Variants in EYA2 observed in about 807,000 individuals in gnomAD.
EYA2 encodes protein phosphatase EYA2.
In EYA2, 31 loss-of-function variants were observed where a neutral mutation model predicts 69.2. The observed-to-expected ratio is 0.45, with a 90% CI of 0.34 to 0.60. The LOEUF is 0.60. Ranked by LOEUF, EYA2 falls within the 20% of genes least tolerant of loss-of-function variation. EYA2 has a pLI of 0.02. For synonymous variants in EYA2, 257 were observed against 279.4 expected (o/e 0.92, Z 0.80); for missense variants, 622 against 701.2 (o/e 0.89, Z 1.28).
chr20:47,149,688 C>CAAAAAAAAAAAAAAAAA (rs59780173), intron 10 of EYA2, among the ~76,000 whole-genome samples: 1 of 102,704 alleles, frequency 9.7e-6, no homozygotes, highest in African/African-American at 3.7e-5. Context: ...ACTAAAAATA[C>CAAAAAAAAAAAAAAAAA]AAAAAAAAAA....
intron 1 of EYA2, among the ~76,000 whole-genome samples, chr20:46,960,345 G>C (rs1274823021): frequency 6.6e-6 from 1 of 152,162 alleles, no homozygotes; most frequent in Non-Finnish European, 1.5e-5. Flanking sequence ...TTTGATCTCA[G>C]GACTGTCTGA....
intron 5 of EYA2, among the ~76,000 whole-genome samples, chr20:47,029,286 T>C (rs187432904): frequency 1.3e-5 from 2 of 152,226 alleles, no homozygotes; most frequent in Non-Finnish European, 2.9e-5. Flanking sequence ...GAATTAAGAG[T>C]TGAAGTTGAA....
intron 7 of EYA2, among the ~76,000 whole-genome samples, chr20:47,079,311 G>A (rs2031633172): frequency 6.6e-6 from 1 of 152,210 alleles, no homozygotes; most frequent in African/African-American, 2.4e-5. Flanking sequence ...GGTAAGAAAT[G>A]CAACATGGCT....
At chr20:46,956,216 C>G (rs1238812124) in intron 1 of EYA2, among the ~76,000 whole-genome samples, 1 of 152,214 alleles carries the variant, frequency 6.6e-6, no homozygotes, top group Admixed American at 6.5e-5. Flanking sequence ...TGCTTAGCAT[C>G]TGATTTTTTG....
chr20:47,096,104 A>G (rs1242928859), intron 8 of EYA2: 1 of 152,248 alleles, frequency 6.6e-6, no homozygotes, highest in East Asian at 1.9e-4. Flanking sequence ...GGTATGATAC[A>G]TATATGAACA....
At chr20:46,981,940 TTTA>T (rs10579485) in intron 1 of EYA2, among the ~76,000 whole-genome samples, 13,118 of 152,142 alleles carry the variant, frequency 0.086, 770 homozygotes, top group African/African-American at 0.15. Context: ...AATGTTTACA[TTTA>T]TTATTATTCT....
At chr20:46,901,226 A>G (rs1304151403) in intron 1 of EYA2, 1 of 152,206 alleles carries the variant, frequency 6.6e-6, no homozygotes, top group Non-Finnish European at 1.5e-5. Flanking sequence ...TCCAAAGCAG[A>G]TGTTTCCTAC....
intron 1 of EYA2, among the ~76,000 whole-genome samples, chr20:46,987,964 CTATATATATATATA>C (rs71183225): frequency 8.9e-4 from 10 of 11,280 alleles, no homozygotes; most frequent in Non-Finnish European, 1.3e-3. Context: ...CTCTCTCTCT[CTATATATATATATA>C]TATATATATA....
chr20:47,025,608 A>G (rs961604980), intron 5 of EYA2, among the ~76,000 whole-genome samples: 1 of 152,190 alleles, frequency 6.6e-6, no homozygotes, highest in Non-Finnish European at 1.5e-5. Flanking sequence ...CTCTTTTGCA[A>G]CTGCCTCCGA....
intron 12 of EYA2, among the ~76,000 whole-genome samples, chr20:47,179,174 T>C (rs6512428): frequency 0.57 from 86,371 of 151,042 alleles, 26,575 homozygotes; most frequent in African/African-American, 0.82. Context: ...TATCAAGTAC[T>C]TAGAAGGTAC....
intron 1 of EYA2, among the ~76,000 whole-genome samples, chr20:46,936,889 C>A (rs967071625): frequency 6.6e-6 from 1 of 152,172 alleles, no homozygotes; most frequent in Admixed American, 6.5e-5. Flanking sequence ...GCTCCATTTA[C>A]AAGAGCAGAG....
At chr20:47,123,783 G>A (rs2033110797) in intron 9 of EYA2, among the ~76,000 whole-genome samples, 1 of 152,268 alleles carries the variant, frequency 6.6e-6, no homozygotes, top group South Asian at 2.1e-4. Context: ...TTGAGGTCAA[G>A]AGTTCAAGAC....
At chr20:46,983,340 C>A (rs1021909492) in intron 1 of EYA2, among the ~76,000 whole-genome samples, 1 of 152,110 alleles carries the variant, frequency 6.6e-6, no homozygotes, top group Non-Finnish European at 1.5e-5. Context: ...AGTTTTTCTG[C>A]TGGCTATTGA....
chr20:46,982,399 G>A lies in EYA2; in HGVS notation c.-10-7602G>A, dbSNP rs1041746462. 2.0e-5 allele frequency among the ~76,000 whole-genome samples: 3 copies of A among 152,280 alleles called. No individual in the cohort carries two copies. The South Asian group carries it at 6.2e-4, about 32-fold the overall frequency. ...TAAGATTAATTTGTGCACATGTGCA[G>A]TTTAACCATCACATACCCAGGAATG... On this transcript the variant is annotated intron_variant, in intron 1 of 15. Coordinates refer to ENST00000327619, the MANE Select transcript of EYA2 (RefSeq NM_005244.5).
chr20:47,061,551 C>G (rs2030888836), intron 5 of EYA2, among the ~76,000 whole-genome samples: 1 of 152,096 alleles, frequency 6.6e-6, no homozygotes, highest in South Asian at 2.1e-4. Flanking sequence ...AAAAATCCCT[C>G]TTAATTCATG....
chr20:47,020,770 A>G (rs575313706), intron 5 of EYA2, among the ~76,000 whole-genome samples: 2 of 152,332 alleles, frequency 1.3e-5, no homozygotes, highest in African/African-American at 4.8e-5. Flanking sequence ...AACTGGTATC[A>G]TAGTGAGAGA....
chr20:46,925,999 T>C (rs1985395894), intron 1 of EYA2, among the ~76,000 whole-genome samples: 1 of 152,172 alleles, frequency 6.6e-6, no homozygotes, highest in Non-Finnish European at 1.5e-5. Flanking sequence ...GACCATACTT[T>C]CCAGGCACCA....
chr20:47,073,351 C>T (rs937347482), intron 6 of EYA2, among the ~76,000 whole-genome samples: 6 of 152,252 alleles, frequency 3.9e-5, no homozygotes, highest in East Asian at 3.9e-4. Flanking sequence ...ATGACTCCCT[C>T]ATAGAATATT....
At chr20:46,954,665 A>C (rs1979008401) in intron 1 of EYA2, among the ~76,000 whole-genome samples, 1 of 152,230 alleles carries the variant, frequency 6.6e-6, no homozygotes, top group African/African-American at 2.4e-5. Flanking sequence ...TCAGCCGAGC[A>C]AGTGAAGAAA....
Sources: allele counts gnomAD v4.1 joint callset (sites outside exome capture counted in the v4.1 genomes callset), GRCh38; gene constraint gnomAD v4.1.1; transcripts MANE v1.5; gene names NCBI Gene and HGNC (gene_info 2026-07-23, HGNC 2026-07-21).